The following KIAA0232 variants were observed in gnomAD, a reference collection of about 807,000 sequenced individuals.
KIAA0232 encodes the protein KIAA0232.
Under a neutral mutation model 122.0 loss-of-function variants are expected in KIAA0232, and 27 were observed. That is an observed-to-expected ratio of 0.22 (90% CI 0.16 to 0.31). The LOEUF (loss-of-function observed/expected upper bound fraction) is 0.31, where lower values mean the gene tolerates loss of function less well. Among genes scored for constraint, KIAA0232 ranks in the 10% least tolerant of loss-of-function variants. The probability of loss-of-function intolerance (pLI) is 1.00; values close to 1 mark genes in which losing one functional copy is unlikely to be tolerated. For synonymous variants in KIAA0232, 613 were observed against 587.6 expected, an observed-to-expected ratio of 1.04 and a Z score of -0.63; for missense variants, 1,551 against 1,634.2, an observed-to-expected ratio of 0.95 and a Z score of 0.88.
At chr4:6,829,757 C>T (rs1718871624) in intron 3 of KIAA0232, among the ~76,000 whole-genome samples, 1 of 152,180 alleles carries the variant, frequency 6.6e-6, no homozygotes, top group Non-Finnish European at 1.5e-5. Context: ...CAAAAAATGA[C>T]TAAAAGGAGA....
chr4:6,845,540 T>A (rs1447989823), intron 4 of KIAA0232, among the ~76,000 whole-genome samples: 1 of 151,974 alleles, frequency 6.6e-6, no homozygotes, highest in Non-Finnish European at 1.5e-5. Flanking sequence ...AATCGATAAT[T>A]TGTAGATTGA....
At position 6,861,880 on chromosome 4, in the gene KIAA0232, G is replaced by A; in HGVS notation, c.1498G>A (p.Asp500Asn). Residue 500 changes from aspartate to asparagine, a missense_variant, in exon 7 of 10, where the codon GAT (aspartate) becomes AAT (asparagine). Physicochemically the swap from Asp to Asn is conservative, Grantham distance 23. This residue lies in a region of KIAA0232 where 1,108 missense variants were observed against 1,154.8 expected (regional missense o/e 0.96). Transcript: ENST00000307659. ...SLPEDNKYLDDIHLSELTHFY... is the reference protein window; with the variant it reads ...SLPEDNKYLDNIHLSELTHFY... ...ACCAGAGGACAATAAATACCTGGAT[G>A]ATATTCATCTATCAGAATTAACGCA... The A allele has an allele frequency of 6.2e-7, 1 of 1,614,032 alleles. No homozygotes were observed. Among genetic ancestry groups the A allele is most frequent in the South Asian group, 1.1e-5 (1 of 91,056 alleles).
chr4:6,821,153 C>T (rs895296309), intron 2 of KIAA0232, among the ~76,000 whole-genome samples: 2 of 152,198 alleles, frequency 1.3e-5, no homozygotes, highest in Non-Finnish European at 2.9e-5. Flanking sequence ...TAAATTCCTT[C>T]AGTTTTTGCA....
At chr4:6,837,990 C>A (rs990087139) in intron 3 of KIAA0232, among the ~76,000 whole-genome samples, 2 of 151,918 alleles carry the variant, frequency 1.3e-5, no homozygotes, top group Non-Finnish European at 2.9e-5. Flanking sequence ...TGTTTAAGTT[C>A]TTTGTAGATT....
At chr4:6,813,946 A>C (rs1296037253) in intron 2 of KIAA0232, among the ~76,000 whole-genome samples, 1 of 152,102 alleles carries the variant, frequency 6.6e-6, no homozygotes, top group Non-Finnish European at 1.5e-5. Flanking sequence ...GCCGGGCAGC[A>C]CAGAGCAATG....
At chr4:6,812,426 G>A (rs147436297) in intron 2 of KIAA0232, among the ~76,000 whole-genome samples, 295 of 152,160 alleles carry the variant, frequency 1.9e-3, no homozygotes, top group African/African-American at 6.7e-3. Context: ...CCATGGGGGT[G>A]ACATAATGCC....
In KIAA0232 at chr4:6,861,081, G is replaced by A; in HGVS notation, c.699G>A (p.Lys233=). 6.2e-7 allele frequency: 1 copy of A among 1,614,106 alleles called. No individual in the cohort carries two copies. The change falls in exon 7 of 10, where the codon AAG becomes AAA. Residue 233 remains lysine (K), a synonymous_variant. Transcript: ENST00000307659. ...GCAACAGTGAAAGTGAAGTCACCAA[G>A]GAAAGAAGCAGTGAAGTACCCACCA... is the stretch of plus-strand genomic sequence containing the variant. The part of the protein sequence containing the change: ...KDCNSESEVT[K]ERSSEVPTTV...
chr4:6,790,031 G>GA (rs563662787), intron 1 of KIAA0232, among the ~76,000 whole-genome samples: 34 of 145,442 alleles, frequency 2.3e-4, no homozygotes, highest in South Asian at 4.3e-4. Flanking sequence ...CCTGTCTCAA[G>GA]AAAAAAAAAA....
intron 2 of KIAA0232, among the ~76,000 whole-genome samples, 189 bp from the exon 3 acceptor site, chr4:6,823,996 G>A (rs1432370646): frequency 6.6e-6 from 1 of 152,178 alleles, no homozygotes; most frequent in African/African-American, 2.4e-5. Context: ...ACACAGGAAG[G>A]TACCACAGTG....
intron 1 of KIAA0232, among the ~76,000 whole-genome samples, chr4:6,794,576 AT>A (rs1204431681): frequency 4.6e-5 from 7 of 152,346 alleles, no homozygotes; most frequent in African/African-American, 1.7e-4. Context: ...GTTGCATCGT[AT>A]GTGGTGGACA....
intron 9 of KIAA0232, among the ~76,000 whole-genome samples, chr4:6,879,548 T>A (rs1721941915): frequency 6.6e-6 from 1 of 152,220 alleles, no homozygotes; most frequent in African/African-American, 2.4e-5. Context: ...TCTGTGCTTC[T>A]GCCTCAGGGG....
chr4:6,859,227 C>A (rs1720729963), intron 6 of KIAA0232, among the ~76,000 whole-genome samples: 1 of 151,478 alleles, frequency 6.6e-6, no homozygotes, highest in Non-Finnish European at 1.5e-5. Context: ...GCCAAACCTG[C>A]TTCCTAAAGA....
In KIAA0232 at chr4:6,855,849, C is replaced by A. The variant is rs910737862; in HGVS notation, c.370-1315C>A. On this transcript the variant is annotated intron_variant, in intron 4 of 9. Coordinates refer to ENST00000307659, the MANE Select transcript of KIAA0232 (RefSeq NM_014743.3). The surrounding 1 kb of genome is among the most constrained non-coding windows in gnomAD (Gnocchi z 4.3). ...TGACACTGGTGTTGGTTTCACGATCCGAAGGAAATGGAATATAATTGCCGT... is the reference window on the plus strand; with the variant it reads ...TGACACTGGTGTTGGTTTCACGATCAGAAGGAAATGGAATATAATTGCCGT... 1 of 985,260 alleles carries A rather than the reference C, an allele frequency of 1.0e-6. No homozygotes were observed. Among genetic ancestry groups the A allele is most frequent in the Non-Finnish European group, 1.2e-6 (1 of 829,860 alleles). The allele number at this position is 985,260 out of a possible 1,614,324, so 61.0% of individuals were successfully genotyped here.
Position 6,861,468 on chromosome 4 carries a change from G to A in KIAA0232, c.1086G>A (p.Leu362=). The A allele has an allele frequency of 6.2e-7, 1 of 1,614,206 alleles. No individual in the cohort carries two copies. Among genetic ancestry groups the A allele is most frequent in the Non-Finnish European group, 8.5e-7 (1 of 1,180,026 alleles). ...GCAGCAGTGGTTCTGTCAAACAGCT[G>A]TGCAAGCGGGGTAAGAGACCTTTAA... The part of the protein sequence containing the change: ...SSSSSGSVKQ[L]CKRGKRPLKE... The change falls in exon 7 of 10, where the codon CTG becomes CTA. Residue 362 remains leucine, a synonymous_variant. Transcript: ENST00000307659.
At chr4:6,783,342 C>T (rs1050856736) in intron 1 of KIAA0232, among the ~76,000 whole-genome samples, 6 of 152,228 alleles carry the variant, frequency 3.9e-5, no homozygotes, top group African/African-American at 1.4e-4. Context: ...TGAGTCCGCA[C>T]AATGGGTTGC....
intron 2 of KIAA0232, among the ~76,000 whole-genome samples, chr4:6,812,298 G>T (rs189766826): frequency 1.4e-4 from 21 of 152,260 alleles, no homozygotes; most frequent in Non-Finnish European, 2.4e-4. Context: ...CCGGCTCCAT[G>T]AGGCTGTTGA....
intron 9 of KIAA0232, among the ~76,000 whole-genome samples, chr4:6,878,991 C>T (rs1028722155): frequency 6.6e-6 from 1 of 152,150 alleles, no homozygotes; most frequent in Admixed American, 6.5e-5. Context: ...GAGACATATT[C>T]CCCAGTCCTC....
intron 2 of KIAA0232, among the ~76,000 whole-genome samples, chr4:6,820,277 C>T (rs141215474): frequency 5.7e-4 from 87 of 152,194 alleles, no homozygotes; most frequent in African/African-American, 1.8e-3. Context: ...AAAAAGAAGA[C>T]GCCACATCTT....
rs1258644020 is a variant in KIAA0232, at chr4:6,861,291, G to A, written c.909G>A (p.Gln303=). 6.2e-7 allele frequency: 1 copy of A among 1,614,180 alleles called. No individual in the cohort carries two copies. The highest frequency in any genetic ancestry group is 2.2e-5 in the East Asian group (1 of 44,884). ...SEAGSSSSGN[Q]GELKASMKYV... Reference sequence around the variant, plus strand: ...CAGGCTCAAGTTCCAGTGGGAATCAGGGAGAATTAAAAGCATCCATGAAGT... The same window carrying A: ...CAGGCTCAAGTTCCAGTGGGAATCAAGGAGAATTAAAAGCATCCATGAAGT... The change falls in exon 7 of 10, where the codon CAG becomes CAA. Residue 303 remains glutamine, a synonymous_variant. Transcript: ENST00000307659.
Sources: gnomAD v4.1 joint callset for allele counts (sites outside exome capture counted in the v4.1 genomes callset) on GRCh38, gnomAD v4.1.1 for gene constraint, gnomAD v4.1.1 regional missense constraint, Gnocchi (gnomAD v3.1) non-coding constraint, MANE v1.5 for transcripts, NCBI Gene and HGNC (gene_info 2026-07-23, HGNC 2026-07-21) for gene names.